MACF1: variants seen among roughly 807,000 people sequenced by gnomAD.
MACF1 encodes microtubule actin crosslinking factor 1.
In MACF1, 193 loss-of-function variants were observed where a neutral mutation model predicts 854.8. The observed-to-expected ratio is 0.23, with a 90% CI of 0.20 to 0.25. MACF1 has a LOEUF of 0.25. MACF1 is among the 10% of genes least tolerant of loss of function. The pLI is 1.00. For synonymous variants in MACF1, 3,185 were observed against 3,226.7 expected (o/e 0.99, Z 0.44); for missense variants, 7,722 against 8,929.1 (o/e 0.86, Z 5.45).
intron 84 of MACF1, 28 bp downstream of exon 84, chr1:39,448,791 C>T: frequency 6.5e-7 from 1 of 1,532,070 alleles, no homozygotes; most frequent in Non-Finnish European, 8.8e-7. Context: ...CTTCAGGGGT[C>T]TAACCGGGAT....
At position 39,411,132 on chromosome 1, in the gene MACF1, T is replaced by G. The variant is rs755041806; in HGVS notation, c.15817-11242T>G. 8 of 1,613,444 alleles carry G rather than the reference T, an allele frequency of 5.0e-6. No individual in the cohort carries two copies. In the African/African-American group the frequency reaches 1.1e-4, roughly 22 times the overall value. ...CAGCCTGCACTGTGGAAATGCCACC[T>G]CTCTCCCCTTGCCTGAGTGAAGAGC... On this transcript the variant is annotated intron_variant, in intron 58 of 100. Transcript: ENST00000564288.
At chr1:39,243,164 T>G (rs1408434660) in intron 2 of MACF1, among the ~76,000 whole-genome samples, 3 of 152,240 alleles carry the variant, frequency 2.0e-5, no homozygotes, top group African/African-American at 7.2e-5. Context: ...GGTTTTGATT[T>G]ATGTTTTCCT....
At chr1:39,383,081 AC>A (rs1650388683) in intron 56 of MACF1, among the ~76,000 whole-genome samples, 2 of 152,222 alleles carry the variant, frequency 1.3e-5, no homozygotes. Context: ...AGATGGTGCC[AC>A]TGCACTCCAG....
At chr1:39,194,375 A>G (rs1412632367) in intron 2 of MACF1, among the ~76,000 whole-genome samples, 5 of 69,206 alleles carry the variant, frequency 7.2e-5, no homozygotes, top group Admixed American at 5.7e-4. Flanking sequence ...TTTTTTTGTG[A>G]TAGAGTCTTG....
At chr1:39,454,782 A>G in intron 88 of MACF1, 127 bp from the exon 89 acceptor site, 1 of 805,574 alleles carries the variant, frequency 1.2e-6, no homozygotes, top group Non-Finnish European at 1.9e-6. Flanking sequence ...TGTGGGTGAC[A>G]GAGCGAGAGT....
intron 2 of MACF1, among the ~76,000 whole-genome samples, chr1:39,123,712 G>GTTTTT (rs1206815949): frequency 2.6e-5 from 2 of 77,486 alleles, no homozygotes; most frequent in Admixed American, 1.6e-4. Context: ...GCTAATTCTT[G>GTTTTT]TTTTGTTTTT....
At chr1:39,225,437 C>T (rs1644705582) in intron 1 of MACF1, among the ~76,000 whole-genome samples, 2 of 151,656 alleles carry the variant, frequency 1.3e-5, no homozygotes, top group South Asian at 2.1e-4. Flanking sequence ...AGGATGGTCT[C>T]GATCTCCTGA....
chr1:39,361,485 G>T lies in MACF1; in HGVS notation c.12579G>T (p.Val4193=). Residue 4193 remains valine, a synonymous_variant, in exon 49 of 101, where the codon GTG becomes GTT. Transcript: ENST00000564288. ...AAVLQGKLAE[V]SQRFEQLCLQ... ...TGCTGCAGGGCAAACTGGCAGAGGT[G>T]AGCCAGCGGTTCGAACAGCTCTGTC... is the stretch of plus-strand genomic sequence containing the variant. The T allele has an allele frequency of 1.2e-6, 2 of 1,614,186 alleles. No individual in the cohort carries two copies. The highest frequency in any genetic ancestry group is 1.1e-5 in the South Asian group (1 of 91,076).
chr1:39,460,200 A>G lies in MACF1; in HGVS notation c.21361-432A>G, dbSNP rs577001643. 1.5e-4 allele frequency among the ~76,000 whole-genome samples: 23 copies of G among 152,284 alleles called. 1 individual carries two copies. The highest frequency in any genetic ancestry group is 1.2e-3 in the South Asian group (6 of 4,816). ...TTGAAATCTCAGAAGATAGTGGTAA[A>G]CACGAGCCTCCTGATATGAGCCCTA... On this transcript the variant is annotated intron_variant, in intron 91 of 100. Coordinates refer to ENST00000564288, the MANE Select transcript of MACF1 (RefSeq NM_001394062.1). The surrounding 1 kb of genome is among the most constrained non-coding windows in gnomAD (Gnocchi z 4.1).
At chr1:39,435,161 A>G (rs1643946083) in intron 69 of MACF1, among the ~76,000 whole-genome samples, 2 of 152,264 alleles carry the variant, frequency 1.3e-5, no homozygotes, top group Admixed American at 6.5e-5. Flanking sequence ...GTTGCTATTC[A>G]TAGCTTATCC....
chr1:39,444,491 GTATGGTGGGTTTCATTCCCT>G (rs1557658437), intron 79 of MACF1, among the ~76,000 whole-genome samples, 151 bp from the exon 80 acceptor site: 1 of 152,108 alleles, frequency 6.6e-6, no homozygotes, highest in African/African-American at 2.4e-5. Context: ...TTATTATTAA[GTATGGTGGGTTTCATTCCCT>G]TATGGCTCAG....
chr1:39,283,339 T>A lies in MACF1; in HGVS notation c.808+38T>A. On this transcript the variant is annotated intron_variant, in intron 8 of 100. Transcript: ENST00000564288. This position sits in a 1 kb window ranked among gnomAD's most constrained non-coding sequence, Gnocchi z 4.5. Reference sequence around the variant, plus strand: ...TTACTGAACTTGAGTAAGGAACACGTATTCAGTATTCCTTCTTCTGGCAAG... The same window carrying A: ...TTACTGAACTTGAGTAAGGAACACGAATTCAGTATTCCTTCTTCTGGCAAG... The A allele has an allele frequency of 1.9e-6, 3 of 1,570,470 alleles. No homozygotes were observed. The highest frequency in any genetic ancestry group is 2.6e-6 in the Non-Finnish European group (3 of 1,140,186).
chr1:39,296,963 G>A (rs1478460861), intron 20 of MACF1, among the ~76,000 whole-genome samples: 6 of 151,502 alleles, frequency 4.0e-5, no homozygotes, highest in Admixed American at 1.3e-4. Context: ...TCACTCTGTC[G>A]CCCAGGCTGG....
At chr1:39,436,367 C>T (rs896810927) in intron 70 of MACF1, 3 of 1,061,756 alleles carry the variant, frequency 2.8e-6, no homozygotes, top group East Asian at 2.4e-5. Flanking sequence ...CCCCACCTTC[C>T]GTCCCATCTC....
chr1:39,162,095 G>A (rs995102920), intron 2 of MACF1, among the ~76,000 whole-genome samples: 1 of 151,604 alleles, frequency 6.6e-6, no homozygotes. Context: ...CCGCCTCCCG[G>A]GTTCAAGCAA....
At chr1:39,397,613 A>C (rs1642324820) in intron 58 of MACF1, among the ~76,000 whole-genome samples, 2 of 152,112 alleles carry the variant, frequency 1.3e-5, no homozygotes, top group Non-Finnish European at 2.9e-5. Flanking sequence ...AGCCTACCTT[A>C]AACATACTCA....
At chr1:39,380,577 C>T (rs1434676103) in intron 55 of MACF1, among the ~76,000 whole-genome samples, 1 of 152,110 alleles carries the variant, frequency 6.6e-6, no homozygotes, top group Non-Finnish European at 1.5e-5. Context: ...GTTTGGCTTT[C>T]TTGGGCAAGT....
chr1:39,164,669 G>A (rs999627721), intron 2 of MACF1, among the ~76,000 whole-genome samples: 1 of 152,214 alleles, frequency 6.6e-6, no homozygotes, highest in Non-Finnish European at 1.5e-5. Flanking sequence ...GCAGTAGCAA[G>A]AATGACCATC....
At chr1:39,099,261 T>G (rs2148128899) in intron 2 of MACF1, among the ~76,000 whole-genome samples, 1 of 152,306 alleles carries the variant, frequency 6.6e-6, no homozygotes, top group Non-Finnish European at 1.5e-5. Context: ...GTTCAAGCGA[T>G]TCTCCTGCCT....
Sources: allele counts gnomAD v4.1 joint callset (sites outside exome capture counted in the v4.1 genomes callset), GRCh38; gene constraint gnomAD v4.1.1; non-coding constraint Gnocchi (gnomAD v3.1); transcripts MANE v1.5; gene names NCBI Gene and HGNC (gene_info 2026-07-23, HGNC 2026-07-21).